ARMH1: variants seen among roughly 807,000 people sequenced by gnomAD.
The protein encoded by ARMH1 is armadillo-like helical domain containing protein 1.
A neutral mutation model predicts 50.2 loss-of-function variants in ARMH1; 34 were observed. That is an observed-to-expected ratio of 0.68 (90% CI 0.51 to 0.90). The LOEUF is 0.90. ARMH1 is among the 40% of genes least tolerant of loss of function. The pLI is 0.00. For synonymous variants in ARMH1, 221 were observed against 224.2 expected (o/e 0.99, Z 0.13); for missense variants, 538 against 553.9 (o/e 0.97, Z 0.29).
At chr1:44,722,120 G>A (rs1180089109) in intron 6 of ARMH1, among the ~76,000 whole-genome samples, 1 of 152,142 alleles carries the variant, frequency 6.6e-6, no homozygotes, top group Non-Finnish European at 1.5e-5. Flanking sequence ...ATGCATTCTG[G>A]GATGCAAATG....
chr1:44,691,851 G>A (rs1242451684), intron 2 of ARMH1, among the ~76,000 whole-genome samples: 3 of 152,232 alleles, frequency 2.0e-5, no homozygotes, highest in African/African-American at 7.2e-5. Flanking sequence ...AACATAAGAA[G>A]AGGAGTAAGC....
intron 6 of ARMH1, chr1:44,721,870 A>G (rs912395141): frequency 6.6e-6 from 1 of 152,226 alleles, no homozygotes; most frequent in African/African-American, 2.4e-5. Flanking sequence ...AAAAGGCGAA[A>G]GATTTATTCG....
In ARMH1 at chr1:44,724,066, T is replaced by C; in HGVS notation, c.725-56T>C. The C allele has an allele frequency of 3.9e-6, 6 of 1,527,788 alleles. No homozygotes were observed. Among genetic ancestry groups the C allele is most frequent in the Non-Finnish European group, 4.4e-6 (5 of 1,134,158 alleles). The allele number at this position is 1,527,788 out of a possible 1,614,324, so 94.6% of individuals were successfully genotyped here. A position where few individuals can be genotyped will look rare whatever the true frequency, so the allele number is the denominator to read the frequency against. ...CGACTTGGTTCACGGGGTTCTTTGC[T>C]TCCTCGGTGGCGGAGGGGCCTGGGG... On this transcript the variant is annotated intron_variant, in intron 6 of 11. Coordinates refer to ENST00000535358, the MANE Select transcript of ARMH1 (RefSeq NM_001145636.2). This position sits in a 1 kb window ranked among gnomAD's most constrained non-coding sequence, Gnocchi z 6.4.
In ARMH1 at chr1:44,721,565, A is replaced by T. The variant is rs562553482; in HGVS notation, c.725-2557A>T. Among the ~76,000 whole-genome samples the T allele has an allele frequency of 1.5e-3, 222 of 152,250 alleles. 1 individual carries two copies. Among genetic ancestry groups the T allele is most frequent in the African/African-American group, 5.1e-3 (212 of 41,540 alleles). On this transcript the variant is annotated intron_variant, in intron 6 of 11. Transcript: ENST00000535358. ...GCTTCCTAAATGTTTACAAGAAGCT[A>T]AAAAAACATGACAGTAGGCCGGGCA...
chr1:44,725,274 G>A lies in ARMH1; in HGVS notation c.1211-17G>A. ...GCGCCGCCAGCACAGCCTCACGCCCGCCTTTCCTGCCTGCAGCCCTGTGCC... is the reference window on the plus strand; with the variant it reads ...GCGCCGCCAGCACAGCCTCACGCCCACCTTTCCTGCCTGCAGCCCTGTGCC... On this transcript the variant is annotated splice_polypyrimidine_tract_variant and intron_variant, in intron 11 of 11. Coordinates refer to ENST00000535358, the MANE Select transcript of ARMH1 (RefSeq NM_001145636.2). 1 of 1,551,756 alleles carries A rather than the reference G, an allele frequency of 6.4e-7. No individual in the cohort carries two copies. Among genetic ancestry groups the A allele is most frequent in the East Asian group, 2.4e-5 (1 of 40,922 alleles).
chr1:44,680,803 T>G (rs2046676343), intron 1 of ARMH1, among the ~76,000 whole-genome samples: 1 of 152,130 alleles, frequency 6.6e-6, no homozygotes, highest in Admixed American at 6.5e-5. Context: ...GGAAGCAAAG[T>G]TATCCAGGCA....
At chr1:44,704,054 G>C in intron 5 of ARMH1, 35 bp from the exon 6 acceptor site, 7 of 1,402,570 alleles carry the variant, frequency 5.0e-6, no homozygotes, top group Admixed American at 4.4e-5. Context: ...AAAAAAAAAA[G>C]ACTAACCACC....
rs1648154212 is a variant in ARMH1, at chr1:44,725,409, C to T, written c.*6C>T. ...ATGTAGAATCAAAGGAGTAACAGCC[C>T]CTGTGGCAAACCAGGAAGGCCAAGG... is the stretch of plus-strand genomic sequence containing the variant. On this transcript the variant is annotated 3_prime_UTR_variant, in exon 12 of 12. Coordinates refer to ENST00000535358, the MANE Select transcript of ARMH1 (RefSeq NM_001145636.2). The T allele has an allele frequency of 6.4e-7, 1 of 1,551,580 alleles. No homozygotes were observed. The highest frequency in any genetic ancestry group is 8.7e-7 in the Non-Finnish European group (1 of 1,146,938).
chr1:44,713,048 G>A (rs1011361254), intron 6 of ARMH1, among the ~76,000 whole-genome samples: 11 of 146,964 alleles, frequency 7.5e-5, no homozygotes, highest in East Asian at 6.0e-4. Flanking sequence ...ACGGAGTCTC[G>A]CTCTGTCACC....
At chr1:44,698,587 G>A (rs1645909081) in intron 4 of ARMH1, among the ~76,000 whole-genome samples, 1 of 152,036 alleles carries the variant, frequency 6.6e-6, no homozygotes, top group South Asian at 2.1e-4. Flanking sequence ...AAGGCAGGAA[G>A]ATCACCTGAG....
At chr1:44,692,876 A>G (rs192917091) in intron 2 of ARMH1, 66 of 152,188 alleles carry the variant, frequency 4.3e-4, no homozygotes, top group Admixed American at 1.6e-3. Flanking sequence ...ATAGGACTAT[A>G]GGCGTGCACC....
chr1:44,712,422 C>T (rs1173726506), intron 6 of ARMH1, among the ~76,000 whole-genome samples: 1 of 151,566 alleles, frequency 6.6e-6, no homozygotes, highest in East Asian at 2.0e-4. Flanking sequence ...CGTGCCACAG[C>T]ACTCCAGAGT....
intron 2 of ARMH1, among the ~76,000 whole-genome samples, chr1:44,692,204 A>G (rs187834262): frequency 2.5e-4 from 38 of 152,270 alleles, no homozygotes; most frequent in Admixed American, 5.9e-4. Context: ...GCAGTGAGCT[A>G]TGATCACACC....
intron 6 of ARMH1, among the ~76,000 whole-genome samples, chr1:44,713,213 C>T (rs1248916011): frequency 6.6e-6 from 1 of 151,446 alleles, no homozygotes; most frequent in Admixed American, 6.6e-5. Flanking sequence ...ATTTTCGTGC[C>T]TCAGCCTCCC....
intron 5 of ARMH1, 135 bp downstream of exon 5, chr1:44,701,254 G>C (rs750034772): frequency 1.1e-6 from 1 of 881,900 alleles, no homozygotes; most frequent in Non-Finnish European, 1.7e-6. Flanking sequence ...TTCAATCAGC[G>C]TTACTTCCAG....
At chr1:44,708,666 T>C (rs2148703262) in intron 6 of ARMH1, among the ~76,000 whole-genome samples, 1 of 152,182 alleles carries the variant, frequency 6.6e-6, no homozygotes, top group South Asian at 2.1e-4. Flanking sequence ...GGCCTGGCGA[T>C]TGTTTATCTT....
At chr1:44,723,952 C>G (rs1647807764) in intron 6 of ARMH1, 170 bp from the exon 7 acceptor site, 2 of 791,784 alleles carry the variant, frequency 2.5e-6, no homozygotes, top group African/African-American at 3.6e-5. Context: ...CAGCCCCCTC[C>G]TCCTGCTCTT....
intron 6 of ARMH1, among the ~76,000 whole-genome samples, chr1:44,705,855 A>C (rs1646319904): frequency 2.0e-5 from 3 of 152,046 alleles, no homozygotes; most frequent in Non-Finnish European, 4.4e-5. Context: ...GTTTGAACTG[A>C]GCCGTGGAGA....
At chr1:44,700,443 C>G (rs543562969) in intron 4 of ARMH1, among the ~76,000 whole-genome samples, 2 of 152,092 alleles carry the variant, frequency 1.3e-5, no homozygotes, top group African/African-American at 4.8e-5. Flanking sequence ...CTGTGAAACC[C>G]TGTCTCTATT....
Sources: allele counts gnomAD v4.1 joint callset (sites outside exome capture counted in the v4.1 genomes callset), GRCh38; gene constraint gnomAD v4.1.1; non-coding constraint Gnocchi (gnomAD v3.1); transcripts MANE v1.5; gene names NCBI Gene and HGNC (gene_info 2026-07-23, HGNC 2026-07-21).